The following ATP9B variants were observed in gnomAD, a reference collection of about 807,000 sequenced individuals.
ATP9B encodes probable phospholipid-transporting ATPase IIB.
A neutral mutation model predicts 146.1 loss-of-function variants in ATP9B; 110 were observed. That is an observed-to-expected ratio of 0.75 (90% CI 0.65 to 0.88). The LOEUF (loss-of-function observed/expected upper bound fraction) is 0.88. ATP9B is among the 40% of genes least tolerant of loss of function. The probability of loss-of-function intolerance (pLI) is 0.00; values close to 1 mark genes in which losing one functional copy is unlikely to be tolerated. For synonymous variants in ATP9B, 604 were observed against 569.7 expected, an observed-to-expected ratio of 1.06 and a Z score of -0.86; for missense variants, 1,499 against 1,496.4, an observed-to-expected ratio of 1.00 and a Z score of -0.03.
At chr18:79,099,364 G>A (rs1171660447) in intron 2 of ATP9B, among the ~76,000 whole-genome samples, 1 of 152,154 alleles carries the variant, frequency 6.6e-6, no homozygotes, top group Admixed American at 6.5e-5. Context: ...TGGGACTACA[G>A]ATGTGCACCA....
rs371010785 is a variant in ATP9B, at chr18:79,336,680, C to T, written c.2081C>T (p.Ala694Val). The T allele has an allele frequency of 5.0e-6, 8 of 1,613,756 alleles. No individual in the cohort carries two copies. Among genetic ancestry groups the T allele is most frequent in the African/African-American group, 4.0e-5 (3 of 75,054 alleles). Residue 694 changes from alanine to valine, a missense_variant, in exon 18 of 30, where the codon GCG becomes GTG. By Grantham distance (64) the Ala-to-Val change is moderately conservative. Transcript: ENST00000426216. ...GLRTLVVAKK[A>V]LTEEQYQDFE... ...CGGACCCTCGTGGTTGCAAAGAAGGCGTTGACAGAGGAGCAGTACCAGGAC... is the reference window on the plus strand; with the variant it reads ...CGGACCCTCGTGGTTGCAAAGAAGGTGTTGACAGAGGAGCAGTACCAGGAC...
rs560687994 is a variant in ATP9B, at chr18:79,327,569, G to T, written c.1774-1572G>T. 8.7e-5 allele frequency among the ~76,000 whole-genome samples: 11 copies of T among 126,778 alleles called. 1 individual carries two copies. The highest frequency in any genetic ancestry group is 2.6e-4 in the African/African-American group (8 of 31,252). 83.2% of individuals were successfully genotyped at this position (126,778 alleles called of 152,430 possible). On this transcript the variant is annotated intron_variant, in intron 15 of 29. Coordinates refer to ENST00000426216, the MANE Select transcript of ATP9B (RefSeq NM_198531.5). Reference sequence around the variant, plus strand: ...CTCCGTGGTTAGCGTGCTCTCCGTGGTTAGCGTGCTCTCCGTGGTTAACGT... The same window carrying T: ...CTCCGTGGTTAGCGTGCTCTCCGTGTTTAGCGTGCTCTCCGTGGTTAACGT...
At chr18:79,135,251 G>C (rs1042696320) in intron 5 of ATP9B, among the ~76,000 whole-genome samples, 1 of 152,104 alleles carries the variant, frequency 6.6e-6, no homozygotes, top group African/African-American at 2.4e-5. Flanking sequence ...AACATGAAAA[G>C]CCCCAGACTC....
intron 1 of ATP9B, among the ~76,000 whole-genome samples, chr18:79,075,623 C>G (rs770380698): frequency 6.6e-6 from 1 of 152,182 alleles, no homozygotes; most frequent in Non-Finnish European, 1.5e-5. Context: ...ATAGCTACCT[C>G]TGCTTTCCTT....
chr18:79,123,796 A>T (rs2094231546), intron 4 of ATP9B, among the ~76,000 whole-genome samples: 1 of 152,204 alleles, frequency 6.6e-6, no homozygotes, highest in South Asian at 2.1e-4. Flanking sequence ...CAACTCGGGC[A>T]CCAAAATAGT....
At chr18:79,314,043 C>T (rs982738877) in intron 15 of ATP9B, among the ~76,000 whole-genome samples, 1 of 152,120 alleles carries the variant, frequency 6.6e-6, no homozygotes, top group Non-Finnish European at 1.5e-5. Context: ...ACCAAAGTAC[C>T]GTTTTAAAAG....
At chr18:79,185,408 TTAAAA>T in intron 8 of ATP9B, among the ~76,000 whole-genome samples, 1 of 152,286 alleles carries the variant, frequency 6.6e-6, no homozygotes, top group South Asian at 2.1e-4. Flanking sequence ...ATGTACAGAA[TTAAAA>T]TAAATAATTC....
At chr18:79,326,739 T>C (rs2096749449) in intron 15 of ATP9B, among the ~76,000 whole-genome samples, 1 of 152,170 alleles carries the variant, frequency 6.6e-6, no homozygotes, top group East Asian at 1.9e-4. Context: ...TGGTCAGACG[T>C]GTGGGGAATT....
chr18:79,089,425 C>T (rs2074126905), intron 1 of ATP9B, among the ~76,000 whole-genome samples: 1 of 152,128 alleles, frequency 6.6e-6, no homozygotes, highest in Non-Finnish European at 1.5e-5. Context: ...GTCCTGCTCC[C>T]CTTGGCCCAC....
At chr18:79,133,285 A>AT (rs1271921813) in intron 5 of ATP9B, among the ~76,000 whole-genome samples, 1 of 152,198 alleles carries the variant, frequency 6.6e-6, no homozygotes, top group African/African-American at 2.4e-5. Flanking sequence ...ATTCAGGAAC[A>AT]TTCAGTATAC....
intron 6 of ATP9B, chr18:79,145,101 C>G (rs1466970495): frequency 6.9e-6 from 1 of 144,154 alleles, no homozygotes; most frequent in African/African-American, 2.9e-5. Context: ...TGGAGAGTGA[C>G]TGAAGGTGCA....
chr18:79,327,548 G>GTGGTTAGCGTGCTCTCTC (rs2147046406), intron 15 of ATP9B, among the ~76,000 whole-genome samples: 1 of 131,882 alleles, frequency 7.6e-6, no homozygotes, highest in East Asian at 2.1e-4. Flanking sequence ...CGTGCTCTCC[G>GTGGTTAGCGTGCTCTCTC]TGGTTAGCGT....
chr18:79,218,846 A>G (rs926660242), intron 11 of ATP9B, among the ~76,000 whole-genome samples: 3 of 152,368 alleles, frequency 2.0e-5, no homozygotes, highest in East Asian at 1.9e-4. Flanking sequence ...GCCAAGTTCA[A>G]GGAGTCAGGG....
chr18:79,092,735 C>T (rs1305435309), intron 1 of ATP9B, among the ~76,000 whole-genome samples: 1 of 147,790 alleles, frequency 6.8e-6, no homozygotes, highest in Non-Finnish European at 1.5e-5. Context: ...TCACTATCTT[C>T]CACCTCCGCA....
intron 2 of ATP9B, among the ~76,000 whole-genome samples, chr18:79,105,395 G>C (rs2075587548): frequency 6.6e-6 from 1 of 152,188 alleles, no homozygotes; most frequent in African/African-American, 2.4e-5. Context: ...TTAATGAGTT[G>C]TAAATATTTA....
intron 29 of ATP9B, among the ~76,000 whole-genome samples, chr18:79,376,669 C>T (rs1449123918): frequency 2.7e-5 from 4 of 150,182 alleles, no homozygotes; most frequent in South Asian, 2.1e-4. Flanking sequence ...GGATTACAGG[C>T]GTGAGCCACC....
chr18:79,101,683 T>G (rs559452959), intron 2 of ATP9B, among the ~76,000 whole-genome samples: 1 of 152,336 alleles, frequency 6.6e-6, no homozygotes, highest in East Asian at 1.9e-4. Context: ...TTATTGTCAC[T>G]GTTGTTGATT....
At chr18:79,279,279 T>C (rs181488597) in intron 13 of ATP9B, among the ~76,000 whole-genome samples, 44 of 152,112 alleles carry the variant, frequency 2.9e-4, no homozygotes, top group Admixed American at 2.6e-3. Flanking sequence ...TTCATGTGCC[T>C]GCCCCTTATG....
intron 1 of ATP9B, 127 bp downstream of exon 1, chr18:79,069,656 G>A (rs1335264420): frequency 1.8e-6 from 1 of 558,288 alleles, no homozygotes; most frequent in Non-Finnish European, 2.7e-6. Context: ...GCTGGGAGCC[G>A]GGAGTCCTTG....
Sources: allele counts gnomAD v4.1 joint callset (sites outside exome capture counted in the v4.1 genomes callset), GRCh38; gene constraint gnomAD v4.1.1; transcripts MANE v1.5; gene names NCBI Gene and HGNC (gene_info 2026-07-23, HGNC 2026-07-21).